The following BRINP1 variants were observed in gnomAD, a reference collection of about 807,000 sequenced individuals.
BRINP1 encodes the protein BMP/retinoic acid inducible neural specific 1, also known as BMP/retinoic acid-inducible neural-specific protein 1.
A neutral mutation model predicts 72.9 loss-of-function variants in BRINP1; 17 were observed. The ratio of observed to expected loss-of-function variants is 0.23; its 90% CI spans 0.16 to 0.35. The LOEUF is 0.35. BRINP1 is among the 10% of genes least tolerant of loss of function. The probability of loss-of-function intolerance (pLI) is 1.00; values close to 1 mark genes in which losing one functional copy is unlikely to be tolerated. For missense variants in BRINP1, 850 were observed against 1,001.6 expected, an observed-to-expected ratio of 0.85 and a Z score of 2.04; for synonymous variants, 418 against 378.5, an observed-to-expected ratio of 1.10 and a Z score of -1.21.
chr9:119,280,035 A>T (rs1337650968), intron 2 of BRINP1, among the ~76,000 whole-genome samples: 2 of 152,200 alleles, frequency 1.3e-5, no homozygotes, highest in African/African-American at 4.8e-5. Flanking sequence ...TTTGAAAAAA[A>T]ATGGCAATAA....
intron 7 of BRINP1, among the ~76,000 whole-genome samples, chr9:119,193,192 C>T (rs1013876033): frequency 6.6e-6 from 1 of 151,928 alleles, no homozygotes; most frequent in Non-Finnish European, 1.5e-5. Context: ...GTGGAACCCA[C>T]AGATATGGAA....
intron 5 of BRINP1, among the ~76,000 whole-genome samples, chr9:119,233,371 A>G (rs1450973959): frequency 6.6e-6 from 1 of 152,166 alleles, no homozygotes; most frequent in African/African-American, 2.4e-5. Flanking sequence ...AATAAATACA[A>G]TTATAAAATA....
At chr9:119,239,416 G>A (rs538177043) in intron 4 of BRINP1, among the ~76,000 whole-genome samples, 1 of 152,344 alleles carries the variant, frequency 6.6e-6, no homozygotes, top group Admixed American at 6.5e-5. Flanking sequence ...CCAAAACATT[G>A]TCTTAGAAAG....
At chr9:119,201,309 A>G (rs575044200) in intron 7 of BRINP1, among the ~76,000 whole-genome samples, 2 of 152,326 alleles carry the variant, frequency 1.3e-5, no homozygotes, top group East Asian at 3.9e-4. Context: ...CAAAGATTCA[A>G]TTACTGACCT....
At chr9:119,262,748 T>C (rs762831683) in intron 2 of BRINP1, among the ~76,000 whole-genome samples, 2 of 151,938 alleles carry the variant, frequency 1.3e-5, no homozygotes, top group Non-Finnish European at 2.9e-5. Flanking sequence ...CATAACAACC[T>C]GGACAACCTT....
At chr9:119,219,507 C>G (rs1588168079) in intron 5 of BRINP1, among the ~76,000 whole-genome samples, 1 of 152,006 alleles carries the variant, frequency 6.6e-6, no homozygotes, top group Admixed American at 6.6e-5. Context: ...ATTTATCTTT[C>G]CTTTCTTTCT....
At chr9:119,340,115 C>G (rs1375163439) in intron 1 of BRINP1, among the ~76,000 whole-genome samples, 1 of 152,132 alleles carries the variant, frequency 6.6e-6, no homozygotes, top group Admixed American at 6.5e-5. Flanking sequence ...AGAGTTGACA[C>G]CTAAAATGAT....
At chr9:119,298,274 C>T (rs184913808) in intron 2 of BRINP1, among the ~76,000 whole-genome samples, 37 of 152,330 alleles carry the variant, frequency 2.4e-4, no homozygotes, top group Middle Eastern at 6.8e-3. Flanking sequence ...CATGACAGTG[C>T]ATGGTTTACC....
chr9:119,265,444 T>TA (rs571613559), intron 2 of BRINP1, among the ~76,000 whole-genome samples: 56 of 148,270 alleles, frequency 3.8e-4, no homozygotes, highest in African/African-American at 1.2e-3. Flanking sequence ...CTACTAAAAA[T>TA]AAAAAAAAAA....
At chr9:119,341,416 G>A (rs775437201) in intron 1 of BRINP1, among the ~76,000 whole-genome samples, 6 of 152,096 alleles carry the variant, frequency 3.9e-5, no homozygotes, top group African/African-American at 1.2e-4. Flanking sequence ...TTGTAAATAC[G>A]GATGATCCCC....
Position 119,171,981 on chromosome 9 carries a change from C to G in BRINP1, c.1146-3757G>C, listed in dbSNP as rs202161851. 7.6e-5 allele frequency among the ~76,000 whole-genome samples: 10 copies of G among 131,078 alleles called. No individual in the cohort carries two copies. The East Asian group carries it at 1.8e-3, about 24-fold the overall frequency. The allele number at this position is 131,078 out of a possible 152,430, so 86.0% of individuals were successfully genotyped here. A position where few individuals can be genotyped will look rare whatever the true frequency, so the allele number is the denominator to read the frequency against. On this transcript the variant is annotated intron_variant, in intron 7 of 7. Coordinates refer to ENST00000265922, the MANE Select transcript of BRINP1 (RefSeq NM_014618.3). Reference sequence around the variant, plus strand: ...CAGAATCTCTGGGACACATTCAAAGCAGTGTGCAGAGGGAAATTTATAGCA... The same window carrying G: ...CAGAATCTCTGGGACACATTCAAAGGAGTGTGCAGAGGGAAATTTATAGCA...
At chr9:119,357,840 A>C (rs960537934) in intron 1 of BRINP1, among the ~76,000 whole-genome samples, 2 of 152,184 alleles carry the variant, frequency 1.3e-5, no homozygotes, top group South Asian at 4.1e-4. Context: ...ATCCCAAGAC[A>C]ATAGAGATCA....
At chr9:119,174,649 T>C (rs1829459292) in intron 7 of BRINP1, among the ~76,000 whole-genome samples, 1 of 149,360 alleles carries the variant, frequency 6.7e-6, no homozygotes, top group African/African-American at 2.5e-5. Context: ...ATCATGCTGC[T>C]ATAAAGACAC....
chr9:119,279,684 A>G (rs980076504), intron 2 of BRINP1, among the ~76,000 whole-genome samples: 1 of 152,228 alleles, frequency 6.6e-6, no homozygotes, highest in South Asian at 2.1e-4. Context: ...TGAACTGATG[A>G]AAATAAATCA....
intron 3 of BRINP1, among the ~76,000 whole-genome samples, chr9:119,242,856 C>T (rs1588175056): frequency 6.6e-6 from 1 of 152,306 alleles, no homozygotes; most frequent in African/African-American, 2.4e-5. Context: ...ATCAGTAACA[C>T]TGCTAACTAT....
At chr9:119,190,938 A>G (rs960479358) in intron 7 of BRINP1, among the ~76,000 whole-genome samples, 4 of 151,894 alleles carry the variant, frequency 2.6e-5, no homozygotes, top group Non-Finnish European at 5.9e-5. Flanking sequence ...CAACACATCT[A>G]AACCAAGTGG....
At chr9:119,262,059 T>C (rs1830502028) in intron 2 of BRINP1, among the ~76,000 whole-genome samples, 1 of 152,310 alleles carries the variant, frequency 6.6e-6, no homozygotes, top group East Asian at 1.9e-4. Flanking sequence ...CCAGGCACTT[T>C]GCATGAATAC....
At chr9:119,327,138 C>A (rs1293269902) in intron 1 of BRINP1, among the ~76,000 whole-genome samples, 1 of 152,054 alleles carries the variant, frequency 6.6e-6, no homozygotes, top group Admixed American at 6.6e-5. Flanking sequence ...TCTTGGGGAC[C>A]AAGATTCTTT....
chr9:119,275,087 C>G (rs897833994), intron 2 of BRINP1, among the ~76,000 whole-genome samples: 12 of 152,110 alleles, frequency 7.9e-5, no homozygotes, highest in African/African-American at 2.9e-4. Flanking sequence ...GATTTGAACC[C>G]AATTCTGTGT....
Sources: gnomAD v4.1 joint callset for allele counts (sites outside exome capture counted in the v4.1 genomes callset) on GRCh38, gnomAD v4.1.1 for gene constraint, MANE v1.5 for transcripts, NCBI Gene and HGNC (gene_info 2026-07-23, HGNC 2026-07-21) for gene names.